The following DENND1A variants were observed in gnomAD, a reference collection of about 807,000 sequenced individuals.
The protein encoded by DENND1A is DENN domain containing 1A.
DENND1A carries 51 observed loss-of-function variants against 113.7 expected under a neutral mutation model. The ratio of observed to expected loss-of-function variants is 0.45; its 90% CI spans 0.36 to 0.57. The LOEUF (loss-of-function observed/expected upper bound fraction) is 0.57, where lower values mean the gene tolerates loss of function less well. Ranked by LOEUF, DENND1A falls within the 20% of genes least tolerant of loss-of-function variation. DENND1A has a pLI of 0.00. For synonymous variants in DENND1A, 565 were observed against 570.8 expected (o/e 0.99, Z 0.14); for missense variants, 1,258 against 1,395.9 (o/e 0.90, Z 1.57).
chr9:123,878,940 A>C lies in DENND1A; in HGVS notation c.88+11T>G. 6.2e-7 allele frequency: 1 copy of C among 1,613,620 alleles called. No homozygotes were observed. The highest frequency in any genetic ancestry group is 2.2e-5 in the East Asian group (1 of 44,856). ...GTAACACACCATATCATAATCAAAC[A>C]TGCAAAGTACCTGAAAGAGTGCCAC... On this transcript the variant is annotated intron_variant, in intron 2 of 23. Coordinates refer to ENST00000394215, the MANE Select transcript of DENND1A (RefSeq NM_001352964.2).
At chr9:123,865,961 A>G (rs556276509) in intron 2 of DENND1A, among the ~76,000 whole-genome samples, 1 of 152,324 alleles carries the variant, frequency 6.6e-6, no homozygotes, top group African/African-American at 2.4e-5. Context: ...TGAATGTTCC[A>G]CTTAGCACTT....
intron 19 of DENND1A, chr9:123,413,581 G>C (rs1564442233): frequency 1.0e-6 from 1 of 985,548 alleles, no homozygotes. Context: ...GGCAGCCTGA[G>C]GGGAAAGCGG....
In DENND1A at chr9:123,698,776, C is replaced by T. The variant is rs190690509; in HGVS notation, c.303-21987G>A. On this transcript the variant is annotated intron_variant, in intron 5 of 23. Coordinates refer to ENST00000394215, the MANE Select transcript of DENND1A (RefSeq NM_001352964.2). The stretch of plus-strand genomic sequence containing the variant: ...CAAAAGAACAGCTTGGCAGTTTGTG[C>T]ACTGCTTTGCCCTGCGTACTACGTT... 4.6e-5 allele frequency among the ~76,000 whole-genome samples: 7 copies of T among 152,306 alleles called. No homozygotes were observed. In the East Asian group the frequency reaches 1.4e-3, roughly 29 times the overall value.
At chr9:123,590,348 G>GTGAA (rs1490787428) in intron 11 of DENND1A, among the ~76,000 whole-genome samples, 10 of 152,156 alleles carry the variant, frequency 6.6e-5, no homozygotes, top group African/African-American at 2.4e-4. Context: ...CAGACAATTC[G>GTGAA]TGAATGAATG....
intron 5 of DENND1A, among the ~76,000 whole-genome samples, chr9:123,743,097 T>C (rs2069157116): frequency 6.6e-6 from 1 of 152,126 alleles, no homozygotes; most frequent in African/African-American, 2.4e-5. Context: ...GTGCGTGGTA[T>C]GTCCATTAAA....
At chr9:123,600,217 A>C (rs2059882374) in intron 11 of DENND1A, among the ~76,000 whole-genome samples, 1 of 152,240 alleles carries the variant, frequency 6.6e-6, no homozygotes, top group South Asian at 2.1e-4. Flanking sequence ...TAGGTAGATA[A>C]GTCTTTTAGT....
chr9:123,651,320 T>C (rs1254854453), intron 9 of DENND1A, among the ~76,000 whole-genome samples: 2 of 152,216 alleles, frequency 1.3e-5, no homozygotes. Flanking sequence ...AATTCTAAAA[T>C]TAAAGCAAGC....
At chr9:123,916,307 C>T (rs1855113164) in intron 1 of DENND1A, among the ~76,000 whole-genome samples, 1 of 150,632 alleles carries the variant, frequency 6.6e-6, no homozygotes, top group African/African-American at 2.4e-5. Context: ...GAAAAGTATA[C>T]ATGGAATGCT....
At chr9:123,572,239 T>C (rs1312370780) in intron 12 of DENND1A, among the ~76,000 whole-genome samples, 1 of 152,196 alleles carries the variant, frequency 6.6e-6, no homozygotes, top group East Asian at 1.9e-4. Flanking sequence ...TCTAATGTAT[T>C]TGAGATTCAT....
chr9:123,564,382 T>C (rs1397075792), intron 12 of DENND1A, among the ~76,000 whole-genome samples: 2 of 152,258 alleles, frequency 1.3e-5, no homozygotes, highest in Admixed American at 1.3e-4. Flanking sequence ...TCTTCTCCAC[T>C]GCTCTGGAGA....
intron 19 of DENND1A, among the ~76,000 whole-genome samples, chr9:123,433,129 C>T (rs575510454): frequency 2.8e-4 from 43 of 152,258 alleles, no homozygotes; most frequent in African/African-American, 7.5e-4. Flanking sequence ...GCGCTGAGCT[C>T]GGTACTTAAA....
intron 17 of DENND1A, among the ~76,000 whole-genome samples, chr9:123,451,430 T>A (rs1347900979): frequency 6.6e-6 from 1 of 152,230 alleles, no homozygotes; most frequent in Admixed American, 6.5e-5. Context: ...TTGTGAAAGA[T>A]GAAGCACCGG....
chr9:123,468,249 C>T (rs776339847), intron 13 of DENND1A, among the ~76,000 whole-genome samples: 11 of 152,152 alleles, frequency 7.2e-5, no homozygotes, highest in East Asian at 1.9e-4. Context: ...TACCTGCCTC[C>T]GGGGACTGCT....
intron 5 of DENND1A, among the ~76,000 whole-genome samples, chr9:123,740,359 A>C (rs1246414044): frequency 6.6e-6 from 1 of 152,206 alleles, no homozygotes; most frequent in Non-Finnish European, 1.5e-5. Flanking sequence ...TACTCTCAGT[A>C]TAGAGCACAG....
At chr9:123,802,795 C>T (rs1019874780) in intron 2 of DENND1A, among the ~76,000 whole-genome samples, 2 of 152,076 alleles carry the variant, frequency 1.3e-5, no homozygotes, top group Non-Finnish European at 2.9e-5. Flanking sequence ...CTTCGCCTCC[C>T]GGGTTCAAGC....
chr9:123,614,540 G>C (rs552097983), intron 10 of DENND1A, among the ~76,000 whole-genome samples: 2 of 152,016 alleles, frequency 1.3e-5, no homozygotes, highest in Admixed American at 6.5e-5. Context: ...CCTGAGGTGA[G>C]CAGCTACTAA....
rs1833128851 is a variant in DENND1A at position 123,792,454 on chromosome 9, T to G, written c.132+133A>C. The stretch of plus-strand genomic sequence containing the variant: ...CTTCAATACGTTTTACTTTTTGTCT[T>G]TGGTTCCTAATTACTGCTTTTCTTC... On this transcript the variant is annotated intron_variant, in intron 3 of 23. Coordinates refer to ENST00000394215, the MANE Select transcript of DENND1A (RefSeq NM_001352964.2). 11 of 897,126 alleles carry G rather than the reference T, an allele frequency of 1.2e-5. No individual in the cohort carries two copies. In the South Asian group the frequency reaches 2.3e-4, roughly 19 times the overall value. The allele number at this position is 897,126 out of a possible 1,614,324, so 55.6% of individuals were successfully genotyped here.
intron 20 of DENND1A, among the ~76,000 whole-genome samples, chr9:123,410,530 C>T (rs750894594): frequency 6.6e-6 from 1 of 152,138 alleles, no homozygotes; most frequent in Non-Finnish European, 1.5e-5. Context: ...CAGGGGAAGG[C>T]ATCTAAGTCC....
intron 13 of DENND1A, among the ~76,000 whole-genome samples, chr9:123,528,562 T>C (rs1168575071): frequency 2.6e-5 from 4 of 152,210 alleles, no homozygotes; most frequent in Non-Finnish European, 5.9e-5. Context: ...AGATGTGTTC[T>C]TCTCACTCAT....
Sources: gnomAD v4.1 joint callset for allele counts (sites outside exome capture counted in the v4.1 genomes callset) on GRCh38, gnomAD v4.1.1 for gene constraint, MANE v1.5 for transcripts, NCBI Gene and HGNC (gene_info 2026-07-23, HGNC 2026-07-21) for gene names.